The following HERC2 variants were observed in gnomAD, a reference collection of about 807,000 sequenced individuals.
HERC2 encodes the protein E3 ubiquitin-protein ligase HERC2.
A neutral mutation model predicts 537.7 loss-of-function variants in HERC2; 102 were observed. That is an observed-to-expected ratio of 0.19 (90% CI 0.16 to 0.22). The LOEUF (loss-of-function observed/expected upper bound fraction) is 0.22, where lower values mean the gene tolerates loss of function less well. Among genes scored for constraint, HERC2 ranks in the 10% least tolerant of loss-of-function variants. HERC2 has a pLI of 1.00. For synonymous variants in HERC2, 2,224 were observed against 2,466.2 expected, an observed-to-expected ratio of 0.90 and a Z score of 2.91; for missense variants, 4,236 against 6,198.2, an observed-to-expected ratio of 0.68 and a Z score of 10.63.
intron 16 of HERC2, among the ~76,000 whole-genome samples, chr15:28,258,989 G>A (rs916165456): frequency 1.3e-4 from 20 of 152,204 alleles, no homozygotes; most frequent in African/African-American, 4.8e-4. Flanking sequence ...ATGAAGTAAA[G>A]CACATCTGAG....
chr15:28,134,871 T>G (rs918890051), intron 79 of HERC2, among the ~76,000 whole-genome samples: 4 of 151,908 alleles, frequency 2.6e-5, no homozygotes, highest in African/African-American at 9.7e-5. Context: ...TGGGGTTTCA[T>G]CATATTGCCC....
At chr15:28,236,064 G>A (rs1028865947) in intron 26 of HERC2, among the ~76,000 whole-genome samples, 3 of 152,140 alleles carry the variant, frequency 2.0e-5, no homozygotes, top group Non-Finnish European at 4.4e-5. Flanking sequence ...CACATTCTGT[G>A]CAATTTCTGG....
chr15:28,113,820 ATGCTTAGCAGC>A lies in HERC2; in HGVS notation c.13914-153_13914-143del, dbSNP rs1887922905. 5.9e-6 allele frequency: 4 copies of A among 681,598 alleles called. No individual in the cohort carries two copies. The allele number at this position is 681,598 out of a possible 1,614,324, so 42.2% of individuals were successfully genotyped here. On this transcript the variant is annotated intron_variant, in intron 90 of 92. Transcript: ENST00000261609. This position sits in a 1 kb window ranked among gnomAD's most constrained non-coding sequence, Gnocchi z 7.0. ...GGGAGCAGCTCCAGATGGCATGAGCATGCTTAGCAGCTCGGCACTGCAGAGCTTCTCCTGAC... is the reference window on the plus strand; with the variant it reads ...GGGAGCAGCTCCAGATGGCATGAGCATCGGCACTGCAGAGCTTCTCCTGAC...
intron 76 of HERC2, 132 bp from the exon 77 acceptor site, chr15:28,141,978 T>C (rs1891272601): frequency 1.3e-6 from 1 of 783,056 alleles, no homozygotes. Context: ...TTATGGTTCA[T>C]GGGCAAAACC....
Position 28,152,664 on chromosome 15 carries a change from C to T in HERC2, c.10900+13G>A, listed in dbSNP as rs754614700. The T allele has an allele frequency of 1.2e-5, 19 of 1,535,870 alleles. No individual in the cohort carries two copies. In the South Asian group the frequency reaches 1.3e-4, roughly 11 times the overall value. The stretch of plus-strand genomic sequence containing the variant: ...GAAAGGCTGCAGCTCCCCGCTGGGG[C>T]CAGCCCCTGTACCTGGTATCTTCAC... On this transcript the variant is annotated intron_variant, in intron 70 of 92. Transcript: ENST00000261609.
At chr15:28,240,437 T>A (rs896958589) in intron 23 of HERC2, among the ~76,000 whole-genome samples, 3 of 151,794 alleles carry the variant, frequency 2.0e-5, no homozygotes, top group Admixed American at 6.6e-5. Flanking sequence ...ATTAAAAAAA[T>A]AAAATAAAAT....
At position 28,246,077 on chromosome 15, in the gene HERC2, G is replaced by A; in HGVS notation, c.3392-11C>T. On this transcript the variant is annotated splice_polypyrimidine_tract_variant and intron_variant, in intron 22 of 92. Coordinates refer to ENST00000261609, the MANE Select transcript of HERC2 (RefSeq NM_004667.6). ...CTGGAAGGAGAACACCTACATTTAAGAAATAATAAGATTTAAATAAGTATT... is the reference window on the plus strand; with the variant it reads ...CTGGAAGGAGAACACCTACATTTAAAAAATAATAAGATTTAAATAAGTATT... 1 of 1,523,360 alleles carries A rather than the reference G, an allele frequency of 6.6e-7. No individual in the cohort carries two copies. The highest frequency in any genetic ancestry group is 9.0e-7 in the Non-Finnish European group (1 of 1,113,312). 94.4% of individuals were successfully genotyped at this position (1,523,360 alleles called of 1,614,324 possible). A position where few individuals can be genotyped will look rare whatever the true frequency, so the allele number is the denominator to read the frequency against.
At chr15:28,320,318 T>C (rs2077197154) in intron 2 of HERC2, 1 of 152,224 alleles carries the variant, frequency 6.6e-6, no homozygotes, top group African/African-American at 2.4e-5. Context: ...TTCACCATGT[T>C]GGTCAGGCTG....
intron 63 of HERC2, among the ~76,000 whole-genome samples, chr15:28,175,906 T>C (rs536453427): frequency 1.3e-5 from 2 of 152,168 alleles, no homozygotes; most frequent in South Asian, 2.1e-4. Flanking sequence ...GGTTTTCATA[T>C]AAAGAGACTG....
chr15:28,300,649 C>G (rs373894422), intron 2 of HERC2, among the ~76,000 whole-genome samples: 10,971 of 135,126 alleles, frequency 0.081, no homozygotes, highest in East Asian at 0.38. Context: ...TGGTGAAACC[C>G]CATCTCTACT....
chr15:28,231,966 C>G (rs1324110735), intron 30 of HERC2, among the ~76,000 whole-genome samples: 2 of 152,158 alleles, frequency 1.3e-5, no homozygotes, highest in African/African-American at 4.8e-5. Context: ...AGTCTCTCTC[C>G]CTCATGCCGA....
Position 28,122,024 on chromosome 15 carries a change from G to A in HERC2, c.13189-595C>T, listed in dbSNP as rs924431203. On this transcript the variant is annotated intron_variant, in intron 85 of 92. Transcript: ENST00000261609. This position sits in a 1 kb window ranked among gnomAD's most constrained non-coding sequence, Gnocchi z 4.1. ...CGCGGAGCCAGCCGGACCTTGGATCGCCACTGCCTGCCATACAGCAGCCAC... is the reference window on the plus strand; with the variant it reads ...CGCGGAGCCAGCCGGACCTTGGATCACCACTGCCTGCCATACAGCAGCCAC... 2.7e-5 allele frequency among the ~76,000 whole-genome samples: 4 copies of A among 147,646 alleles called. No homozygotes were observed. Among genetic ancestry groups the A allele is most frequent in the East Asian group, 2.0e-4 (1 of 4,884 alleles).
chr15:28,238,447 C>A (rs1402526745), intron 24 of HERC2, among the ~76,000 whole-genome samples, 155 bp downstream of exon 24: 1 of 152,088 alleles, frequency 6.6e-6, no homozygotes, highest in Non-Finnish European at 1.5e-5. Context: ...TTCAAATGTG[C>A]TGAATTTGTT....
At chr15:28,150,338 G>A (rs186711885) in intron 70 of HERC2, among the ~76,000 whole-genome samples, 5 of 144,270 alleles carry the variant, frequency 3.5e-5, no homozygotes, top group Admixed American at 2.1e-4. Flanking sequence ...GAAAAAACAC[G>A]CGGCTTCTAA....
chr15:28,115,599 GCTC>G, intron 88 of HERC2, 58 bp from the exon 89 acceptor site: 1 of 1,271,612 alleles, frequency 7.9e-7, no homozygotes, highest in Non-Finnish European at 1.1e-6. Context: ...AAAACTTCCC[GCTC>G]ACTCACACAC....
chr15:28,261,068 T>C (rs1256565504), intron 15 of HERC2, 98 bp from the exon 16 acceptor site: 2 of 824,330 alleles, frequency 2.4e-6, no homozygotes, highest in Admixed American at 2.7e-5. Flanking sequence ...GCTTTTAACA[T>C]TAACTTCTTG....
chr15:28,223,973 C>T (rs1300333931), intron 35 of HERC2, among the ~76,000 whole-genome samples: 2 of 151,850 alleles, frequency 1.3e-5, no homozygotes, highest in African/African-American at 2.4e-5. Flanking sequence ...GGCCATTTCT[C>T]GATGGAGATA....
At chr15:28,293,333 AAT>A in intron 3 of HERC2, among the ~76,000 whole-genome samples, 1 of 152,064 alleles carries the variant, frequency 6.6e-6, no homozygotes, top group African/African-American at 2.4e-5. Context: ...CTCTACTAAA[AAT>A]ACAAAAAATT....
intron 4 of HERC2, among the ~76,000 whole-genome samples, chr15:28,281,482 C>T (rs890302850): frequency 3.3e-5 from 5 of 152,292 alleles, no homozygotes; most frequent in African/African-American, 1.2e-4. Context: ...AATAGCAACA[C>T]CCCTACTGGC....
Sources: gnomAD v4.1 joint callset for allele counts (sites outside exome capture counted in the v4.1 genomes callset) on GRCh38, gnomAD v4.1.1 for gene constraint, Gnocchi (gnomAD v3.1) non-coding constraint, MANE v1.5 for transcripts, NCBI Gene and HGNC (gene_info 2026-07-23, HGNC 2026-07-21) for gene names.